Variants in RGS7 observed in about 807,000 individuals in gnomAD.
The protein encoded by RGS7 is regulator of G protein signaling 7, also known as regulator of G-protein signaling 7.
A neutral mutation model predicts 81.1 loss-of-function variants in RGS7; 27 were observed. The ratio of observed to expected loss-of-function variants is 0.33; its 90% CI spans 0.25 to 0.46. RGS7 has a LOEUF of 0.46. Ranked by LOEUF, RGS7 falls within the 20% of genes least tolerant of loss-of-function variation. The pLI is 1.00. For missense variants in RGS7, 396 were observed against 607.4 expected, an observed-to-expected ratio of 0.65 and a Z score of 3.66; for synonymous variants, 208 against 207.7, an observed-to-expected ratio of 1.00 and a Z score of -0.01.
At chr1:241,255,301 T>C (rs2077009219) in intron 2 of RGS7, among the ~76,000 whole-genome samples, 1 of 152,220 alleles carries the variant, frequency 6.6e-6, no homozygotes, top group Non-Finnish European at 1.5e-5. Flanking sequence ...GTTTCAATCC[T>C]GAAACCAGGT....
At chr1:240,909,374 C>A (rs1671353845) in intron 6 of RGS7, among the ~76,000 whole-genome samples, 1 of 152,118 alleles carries the variant, frequency 6.6e-6, no homozygotes, top group Non-Finnish European at 1.5e-5. Context: ...TCTTCTGAAA[C>A]AAATATGTCT....
chr1:241,303,878 T>C (rs374311470), intron 2 of RGS7, among the ~76,000 whole-genome samples: 16 of 152,282 alleles, frequency 1.1e-4, no homozygotes, highest in African/African-American at 3.6e-4. Flanking sequence ...GCAGGATTTA[T>C]TTTGGGGGGC....
intron 2 of RGS7, among the ~76,000 whole-genome samples, chr1:241,178,071 G>A (rs56397032): frequency 0.25 from 38,147 of 152,020 alleles, 5,751 homozygotes; most frequent in African/African-American, 0.42. Context: ...AGGTTTGCTC[G>A]AGGCCAGGAG....
At chr1:241,078,861 T>G (rs927779537) in intron 3 of RGS7, among the ~76,000 whole-genome samples, 2 of 152,182 alleles carry the variant, frequency 1.3e-5, no homozygotes, top group Non-Finnish European at 2.9e-5. Context: ...TAAAATATAA[T>G]GTTCTCATTT....
intron 6 of RGS7, among the ~76,000 whole-genome samples, chr1:240,926,489 A>G (rs1185891339): frequency 1.3e-5 from 2 of 152,090 alleles, no homozygotes; most frequent in African/African-American, 4.8e-5. Context: ...ATTCTGTTTC[A>G]TTAGTTTATG....
At chr1:240,811,811 T>G in intron 14 of RGS7, 107 bp downstream of exon 14, 1 of 1,045,086 alleles carries the variant, frequency 9.6e-7, no homozygotes, top group Non-Finnish European at 1.5e-6. Flanking sequence ...GTTCATGACA[T>G]CATTATGATG....
chr1:241,320,627 C>A (rs946516104), intron 2 of RGS7, among the ~76,000 whole-genome samples: 1 of 152,184 alleles, frequency 6.6e-6, no homozygotes, highest in Non-Finnish European at 1.5e-5. Flanking sequence ...TAAATAGTAT[C>A]ATTCAATAAG....
chr1:240,827,815 G>A (rs1485695909), intron 9 of RGS7, among the ~76,000 whole-genome samples: 2 of 124,644 alleles, frequency 1.6e-5, no homozygotes, highest in Non-Finnish European at 3.1e-5. Context: ...AGTGAGTCAA[G>A]ATCACACCAT....
intron 6 of RGS7, 81 bp from the exon 7 acceptor site, chr1:240,870,200 G>A (rs1395047499): frequency 3.3e-6 from 4 of 1,209,198 alleles, no homozygotes; most frequent in Non-Finnish European, 3.7e-6. Flanking sequence ...ACAAATCAAG[G>A]GCATTGCACT....
At chr1:241,246,773 C>T (rs911842353) in intron 2 of RGS7, among the ~76,000 whole-genome samples, 1 of 151,826 alleles carries the variant, frequency 6.6e-6, no homozygotes, top group African/African-American at 2.4e-5. Flanking sequence ...TATTATTGAA[C>T]ACACTGTAAA....
rs369442959 is a variant in RGS7, at chr1:241,306,564, A to G, written c.78+49135T>C. Among the ~76,000 whole-genome samples the G allele has an allele frequency of 1.4e-3, 210 of 151,480 alleles. 5 individuals carry two copies. Among genetic ancestry groups the G allele is most frequent in the African/African-American group, 4.8e-3 (199 of 41,254 alleles). On this transcript the variant is annotated intron_variant, in intron 2 of 18. Transcript: ENST00000440928. ...TGCACACACCCTTACACACATACAC[A>G]TATGTCCACACACGTACAAACCCTT...
Position 241,271,883 on chromosome 1 carries a change from ACGTGTG to A in RGS7, c.78+83810_78+83815del, listed in dbSNP as rs1381610811. On this transcript the variant is annotated intron_variant, in intron 2 of 18. Transcript: ENST00000440928. This position sits in a 1 kb window ranked among gnomAD's most constrained non-coding sequence, Gnocchi z 4.6. ...CAATCACACAAGCCAAATCTTTATA[ACGTGTG>A]TGTGTGTGTGTGTGTGTGTGTGTGT... is the stretch of plus-strand genomic sequence containing the variant. Among the ~76,000 whole-genome samples the A allele has an allele frequency of 1.4e-5, 1 of 72,220 alleles. No individual in the cohort carries two copies. The highest frequency in any genetic ancestry group is 2.7e-5 in the Non-Finnish European group (1 of 36,370). The allele number at this position is 72,220 out of a possible 152,430, so 47.4% of individuals were successfully genotyped here.
At chr1:241,173,335 G>A (rs2070869738) in intron 2 of RGS7, among the ~76,000 whole-genome samples, 1 of 152,128 alleles carries the variant, frequency 6.6e-6, no homozygotes, top group Non-Finnish European at 1.5e-5. Flanking sequence ...TCTTACTCAG[G>A]TCATGGAGTT....
At chr1:240,908,523 G>C (rs1483205034) in intron 6 of RGS7, among the ~76,000 whole-genome samples, 3 of 152,024 alleles carry the variant, frequency 2.0e-5, no homozygotes, top group African/African-American at 7.2e-5. Context: ...TAGTTGTTAA[G>C]CCTACATTTA....
At chr1:241,149,235 C>T (rs1459730276) in intron 2 of RGS7, among the ~76,000 whole-genome samples, 2 of 152,122 alleles carry the variant, frequency 1.3e-5, no homozygotes, top group East Asian at 1.9e-4. Flanking sequence ...GGCGCAATCT[C>T]GGCTCACTGC....
In RGS7 at chr1:241,156,181, TAGACAGAC is replaced by T. The variant is rs148452217; in HGVS notation, c.79-57427_79-57420del. Among the ~76,000 whole-genome samples the T allele has an allele frequency of 8.2e-4, 121 of 147,008 alleles. 1 individual carries two copies. The highest frequency in any genetic ancestry group is 3.1e-3 in the African/African-American group (117 of 37,530). On this transcript the variant is annotated intron_variant, in intron 2 of 18. Coordinates refer to ENST00000440928, the MANE Select transcript of RGS7 (RefSeq NM_001364886.1). ...AGATAGATAGATAGATACATATACATAGACAGACAGACAGAAAGATAGATGCTAGGCTG... is the reference window on the plus strand; with the variant it reads ...AGATAGATAGATAGATACATATACATAGACAGAAAGATAGATGCTAGGCTG...
intron 2 of RGS7, among the ~76,000 whole-genome samples, chr1:241,334,240 A>G (rs1440246064): frequency 6.6e-6 from 1 of 152,168 alleles, no homozygotes; most frequent in Non-Finnish European, 1.5e-5. Context: ...GTGGTTAACT[A>G]AAAAGTTAAA....
At chr1:241,043,553 T>C (rs1337323541) in intron 3 of RGS7, among the ~76,000 whole-genome samples, 2 of 146,916 alleles carry the variant, frequency 1.4e-5, no homozygotes, top group Admixed American at 6.8e-5. Flanking sequence ...ATATATAATA[T>C]TATATAGTTA....
At chr1:240,948,077 T>C (rs1289545867) in intron 4 of RGS7, among the ~76,000 whole-genome samples, 4 of 152,218 alleles carry the variant, frequency 2.6e-5, no homozygotes, top group African/African-American at 9.6e-5. Context: ...ACACCAGCCC[T>C]GACTACACTG....
Sources: gnomAD v4.1 joint callset for allele counts (sites outside exome capture counted in the v4.1 genomes callset) on GRCh38, gnomAD v4.1.1 for gene constraint, Gnocchi (gnomAD v3.1) non-coding constraint, MANE v1.5 for transcripts, NCBI Gene and HGNC (gene_info 2026-07-23, HGNC 2026-07-21) for gene names.